SNTG1: variants seen among roughly 807,000 people sequenced by gnomAD.
SNTG1 encodes gamma-1-syntrophin.
A neutral mutation model predicts 74.7 loss-of-function variants in SNTG1; 39 were observed. That is an observed-to-expected ratio of 0.52 (90% CI 0.40 to 0.68). SNTG1 has a LOEUF of 0.68. Ranked by LOEUF, SNTG1 falls within the 30% of genes least tolerant of loss-of-function variation. SNTG1 has a pLI of 0.00. For synonymous variants in SNTG1, 254 were observed against 217.1 expected (o/e 1.17, Z -1.49); for missense variants, 685 against 609.5 (o/e 1.12, Z -1.30).
intron 1 of SNTG1, among the ~76,000 whole-genome samples, chr8:49,984,413 C>T (rs1252939668): frequency 1.3e-5 from 2 of 152,102 alleles, no homozygotes; most frequent in South Asian, 2.1e-4. Flanking sequence ...CCATGTTGCC[C>T]AGGCTGATCT....
intron 13 of SNTG1, among the ~76,000 whole-genome samples, chr8:50,638,831 A>G (rs1237276946): frequency 6.6e-6 from 1 of 152,104 alleles, no homozygotes; most frequent in Non-Finnish European, 1.5e-5. Context: ...ATAGAGTATA[A>G]CAGTAGCAGT....
At chr8:49,928,386 G>A (rs1436465799) in intron 1 of SNTG1, among the ~76,000 whole-genome samples, 2 of 151,506 alleles carry the variant, frequency 1.3e-5, no homozygotes, top group South Asian at 4.2e-4. Context: ...ACTCACCACC[G>A]TGCCCAGCCA....
chr8:49,967,828 C>T (rs758066479), intron 1 of SNTG1, among the ~76,000 whole-genome samples: 16 of 152,128 alleles, frequency 1.1e-4, no homozygotes, highest in Non-Finnish European at 2.4e-4. Flanking sequence ...TAATAAGATG[C>T]CATCAGCATC....
At chr8:50,023,970 A>G (rs1223131763) in intron 1 of SNTG1, among the ~76,000 whole-genome samples, 1 of 152,158 alleles carries the variant, frequency 6.6e-6, no homozygotes, top group East Asian at 1.9e-4. Context: ...CTCTGGGCCC[A>G]GAATCACATG....
chr8:50,523,614 G>C (rs1001799114), intron 9 of SNTG1, among the ~76,000 whole-genome samples: 3 of 152,162 alleles, frequency 2.0e-5, no homozygotes, highest in African/African-American at 7.2e-5. Flanking sequence ...TATTCATTAA[G>C]TTCCTTGCCT....
At chr8:50,534,914 T>C (rs542755955) in intron 10 of SNTG1, among the ~76,000 whole-genome samples, 1 of 152,286 alleles carries the variant, frequency 6.6e-6, no homozygotes, top group African/African-American at 2.4e-5. Context: ...TATTAAATAG[T>C]AACAGTAATA....
intron 1 of SNTG1, among the ~76,000 whole-genome samples, chr8:50,171,312 G>A (rs1357583901): frequency 3.9e-5 from 6 of 152,160 alleles, no homozygotes; most frequent in Non-Finnish European, 7.3e-5. Context: ...TAGGCTGCCT[G>A]TCAACTGAGG....
intron 13 of SNTG1, among the ~76,000 whole-genome samples, chr8:50,604,239 G>A (rs1182813809): frequency 1.3e-5 from 2 of 152,032 alleles, no homozygotes; most frequent in Non-Finnish European, 2.9e-5. Flanking sequence ...GGCACTTGAT[G>A]AAACTCATCT....
At chr8:50,729,446 A>G (rs6473320) in intron 17 of SNTG1, among the ~76,000 whole-genome samples, 21,487 of 152,200 alleles carry the variant, frequency 0.14, 3,641 homozygotes, top group African/African-American at 0.41. Context: ...AGGGCTTCAC[A>G]TAAATTTCAC....
At chr8:50,561,117 A>T (rs894429660) in intron 12 of SNTG1, among the ~76,000 whole-genome samples, 1 of 152,022 alleles carries the variant, frequency 6.6e-6, no homozygotes, top group Non-Finnish European at 1.5e-5. Context: ...GGATCATGGG[A>T]GTGGTTTCCC....
rs1380596692 is a variant in SNTG1 at position 50,796,485 on chromosome 8, T to TA, written c.*3660dup. On this transcript the variant is annotated 3_prime_UTR_variant, in exon 19 of 19. Transcript: ENST00000642720. ...TAAATGTTATATATTTTATACATGT[T>TA]AAAATGCAGTGAAAAGACAAGAAAT... The TA allele has an allele frequency of 6.6e-6, 1 of 151,902 alleles. No individual in the cohort carries two copies. Among genetic ancestry groups the TA allele is most frequent in the East Asian group, 1.9e-4 (1 of 5,190 alleles). 9.4% of individuals were successfully genotyped at this position (151,902 alleles called of 1,614,324 possible).
intron 2 of SNTG1, among the ~76,000 whole-genome samples, chr8:50,349,953 G>A (rs112252065): frequency 4.6e-5 from 7 of 152,204 alleles, no homozygotes; most frequent in South Asian, 4.1e-4. Flanking sequence ...GCTGCACCGC[G>A]TGCTTATGGG....
At chr8:50,405,114 G>C (rs1201327350) in intron 4 of SNTG1, among the ~76,000 whole-genome samples, 2 of 151,978 alleles carry the variant, frequency 1.3e-5, no homozygotes, top group Non-Finnish European at 2.9e-5. Flanking sequence ...TAGGAACATG[G>C]GTGTACAAAT....
At chr8:50,014,279 G>A (rs893284863) in intron 1 of SNTG1, among the ~76,000 whole-genome samples, 4 of 152,090 alleles carry the variant, frequency 2.6e-5, no homozygotes, top group Admixed American at 6.6e-5. Context: ...GAGTGTGTTA[G>A]CTATTTGATT....
At chr8:50,045,448 C>T (rs1819001468) in intron 1 of SNTG1, among the ~76,000 whole-genome samples, 1 of 152,120 alleles carries the variant, frequency 6.6e-6, no homozygotes, top group African/African-American at 2.4e-5. Context: ...ATTGTGAGGA[C>T]AGCTAAGCCA....
intron 2 of SNTG1, among the ~76,000 whole-genome samples, chr8:50,355,670 A>G (rs947462351): frequency 2.6e-5 from 4 of 152,222 alleles, no homozygotes; most frequent in African/African-American, 9.6e-5. Flanking sequence ...GCTGCTGCTG[A>G]GAAATGTGAT....
chr8:50,455,905 G>A (rs191202902), intron 8 of SNTG1, among the ~76,000 whole-genome samples: 5 of 152,226 alleles, frequency 3.3e-5, no homozygotes, highest in Admixed American at 6.5e-5. Flanking sequence ...GATTAATACT[G>A]CCTTAAGAAT....
chr8:50,700,380 A>T (rs2095419358), intron 15 of SNTG1, among the ~76,000 whole-genome samples: 1 of 152,202 alleles, frequency 6.6e-6, no homozygotes. Context: ...TTAGATGATT[A>T]TGTTGAAAGT....
chr8:50,202,426 T>A (rs1413707939), intron 2 of SNTG1, among the ~76,000 whole-genome samples: 1 of 152,026 alleles, frequency 6.6e-6, no homozygotes, highest in Non-Finnish European at 1.5e-5. Flanking sequence ...TTTTCCAGGG[T>A]GTGATATAAT....
Sources: allele counts gnomAD v4.1 joint callset (sites outside exome capture counted in the v4.1 genomes callset), GRCh38; gene constraint gnomAD v4.1.1; transcripts MANE v1.5; gene names NCBI Gene and HGNC (gene_info 2026-07-23, HGNC 2026-07-21).